UNC13C: variants seen among roughly 807,000 people sequenced by gnomAD.
UNC13C encodes the protein unc-13 homolog C.
Under a neutral mutation model 245.4 loss-of-function variants are expected in UNC13C, and 174 were observed. That is an observed-to-expected ratio of 0.71 (90% CI 0.63 to 0.80). UNC13C has a LOEUF of 0.80. UNC13C is among the 30% of genes least tolerant of loss of function. The pLI, the probability that UNC13C is intolerant of heterozygous loss-of-function variation, is 0.00. For missense variants in UNC13C, 2,829 were observed against 2,602.9 expected (o/e 1.09, Z -1.89); for synonymous variants, 992 against 895.1 (o/e 1.11, Z -1.93).
At chr15:54,414,261 G>T (rs1388661260) in intron 18 of UNC13C, among the ~76,000 whole-genome samples, 1 of 152,154 alleles carries the variant, frequency 6.6e-6, no homozygotes, top group African/African-American at 2.4e-5. Context: ...CAAAGAAAAT[G>T]GCTGAGGGAC....
chr15:53,910,193 A>T, the UNC13C span, among the ~76,000 whole-genome samples: 306 of 145,328 alleles, frequency 2.1e-3, 20 homozygotes, highest in African/African-American at 7.1e-3. Context: ...GAACTCTGCC[A>T]AACATATGTA....
At chr15:54,233,989 A>T (rs1476752689) in intron 4 of UNC13C, among the ~76,000 whole-genome samples, 1 of 152,316 alleles carries the variant, frequency 6.6e-6, no homozygotes, top group South Asian at 2.1e-4. Flanking sequence ...TAAAAAGTCA[A>T]ATTCAATGTA....
intron 30 of UNC13C, among the ~76,000 whole-genome samples, chr15:54,601,907 C>G (rs1016163042): frequency 1.3e-5 from 2 of 152,162 alleles, no homozygotes; most frequent in Non-Finnish European, 2.9e-5. Flanking sequence ...TGCAATCTGT[C>G]GTAGTGATTT....
chr15:54,566,247 G>A (rs549164996), intron 29 of UNC13C, among the ~76,000 whole-genome samples: 36 of 152,090 alleles, frequency 2.4e-4, no homozygotes, highest in African/African-American at 8.4e-4. Flanking sequence ...ATACATCCAT[G>A]AAATCTTTTT....
chr15:54,622,458 A>G, intron 31 of UNC13C, 39 bp downstream of exon 31: 1 of 1,462,100 alleles, frequency 6.8e-7, no homozygotes, highest in Non-Finnish European at 9.6e-7. Flanking sequence ...CAGCCTTCTA[A>G]ACTTCTGCAG....
At chr15:54,462,923 G>A (rs1280210074) in intron 19 of UNC13C, among the ~76,000 whole-genome samples, 1 of 152,128 alleles carries the variant, frequency 6.6e-6, no homozygotes, top group Non-Finnish European at 1.5e-5. Flanking sequence ...TCCTGAGTCA[G>A]GTGGGGGCTT....
At chr15:54,186,833 C>T (rs966643684) in intron 4 of UNC13C, among the ~76,000 whole-genome samples, 2 of 103,618 alleles carry the variant, frequency 1.9e-5, no homozygotes, top group Admixed American at 9.7e-5. Context: ...ATACAAAGAA[C>T]ATAATATATA....
rs533218038 is a variant in UNC13C, at chr15:54,051,656, A to T, written c.2983+35770A>T. ...ACAGACTTTATTTATTTATTTATTT[A>T]TTTATTTATTTTAATCAGGTGAATT... On this transcript the variant is annotated intron_variant, in intron 2 of 32. Transcript: ENST00000260323. 1.7e-3 allele frequency among the ~76,000 whole-genome samples: 257 copies of T among 149,396 alleles called. 1 individual carries two copies. The highest frequency in any genetic ancestry group is 8.8e-3 in the South Asian group (42 of 4,762).
chr15:53,858,403 G>GT, the UNC13C span, among the ~76,000 whole-genome samples: 63 of 149,406 alleles, frequency 4.2e-4, no homozygotes, highest in South Asian at 8.8e-3. Context: ...CTCATAATGA[G>GT]TTTTTTTTTG....
intron 1 of UNC13C, among the ~76,000 whole-genome samples, chr15:53,981,188 C>A (rs757359788): frequency 1.3e-4 from 20 of 152,174 alleles, no homozygotes; most frequent in Non-Finnish European, 2.2e-4. Flanking sequence ...AATGCATAAA[C>A]CCTGCCATAA....
At chr15:54,262,940 TCTTA>T (rs1475126261) in intron 8 of UNC13C, among the ~76,000 whole-genome samples, 1 of 152,192 alleles carries the variant, frequency 6.6e-6, no homozygotes, top group Non-Finnish European at 1.5e-5. Context: ...TCATCTCTTG[TCTTA>T]CTTTCTATAC....
intron 19 of UNC13C, among the ~76,000 whole-genome samples, chr15:54,452,096 G>A (rs919938632): frequency 2.6e-5 from 4 of 152,206 alleles, no homozygotes; most frequent in Admixed American, 6.5e-5. Context: ...GGAGACTGTG[G>A]CGAAGCTTTG....
At chr15:54,455,467 C>G (rs183663009) in intron 19 of UNC13C, among the ~76,000 whole-genome samples, 2 of 149,394 alleles carry the variant, frequency 1.3e-5, no homozygotes, top group Admixed American at 1.3e-4. Flanking sequence ...TACTAGTTTA[C>G]ATTCCCTCTA....
At chr15:53,885,791 T>A in the UNC13C span, among the ~76,000 whole-genome samples, 230 of 151,116 alleles carry the variant, frequency 1.5e-3, no homozygotes, top group African/African-American at 5.3e-3. Flanking sequence ...CTGAAGGGAG[T>A]GGGGGAAAAA....
chr15:53,988,237 A>T (rs1894231112), intron 1 of UNC13C, among the ~76,000 whole-genome samples: 1 of 152,086 alleles, frequency 6.6e-6, no homozygotes, highest in Non-Finnish European at 1.5e-5. Flanking sequence ...GGTGAATTAA[A>T]ATGGTTCTGA....
chr15:54,177,801 G>A (rs922581831), intron 4 of UNC13C, among the ~76,000 whole-genome samples: 1 of 152,000 alleles, frequency 6.6e-6, no homozygotes, highest in African/African-American at 2.4e-5. Flanking sequence ...TCCTGAGTTA[G>A]TAAAATAGAA....
chr15:54,020,153 G>C (rs1895829732), intron 2 of UNC13C, among the ~76,000 whole-genome samples: 1 of 152,132 alleles, frequency 6.6e-6, no homozygotes, highest in Non-Finnish European at 1.5e-5. Flanking sequence ...CACATTTGAA[G>C]AGCACTACTA....
chr15:54,078,644 T>G (rs1220746229), intron 2 of UNC13C, among the ~76,000 whole-genome samples: 1 of 152,180 alleles, frequency 6.6e-6, no homozygotes, highest in African/African-American at 2.4e-5. Context: ...AATTGTCTGT[T>G]CATGTCCTTT....
chr15:54,527,331 G>A (rs1895514994), intron 25 of UNC13C, among the ~76,000 whole-genome samples: 1 of 152,126 alleles, frequency 6.6e-6, no homozygotes, highest in African/African-American at 2.4e-5. Flanking sequence ...TTAGCAGAAA[G>A]ACTGTTGCCT....
Sources: allele counts gnomAD v4.1 joint callset (sites outside exome capture counted in the v4.1 genomes callset), GRCh38; gene constraint gnomAD v4.1.1; transcripts MANE v1.5; gene names NCBI Gene and HGNC (gene_info 2026-07-23, HGNC 2026-07-21).